Variants in ASIC2 observed in about 807,000 individuals in gnomAD.
ASIC2 encodes the protein acid sensing ion channel subunit 2.
ASIC2 carries 25 observed loss-of-function variants against 57.3 expected under a neutral mutation model. The observed-to-expected ratio is 0.44, with a 90% CI of 0.32 to 0.61. ASIC2 has a LOEUF of 0.61. Among genes scored for constraint, ASIC2 ranks in the 20% least tolerant of loss-of-function variants. The pLI is 0.06. For missense variants in ASIC2, 641 were observed against 738.1 expected (o/e 0.87, Z 1.52); for synonymous variants, 319 against 307.5 (o/e 1.04, Z -0.39).
chr17:33,416,746 T>A (rs1169126368), intron 1 of ASIC2, among the ~76,000 whole-genome samples: 1 of 152,136 alleles, frequency 6.6e-6, no homozygotes, highest in African/African-American at 2.4e-5. Flanking sequence ...AGGTTTGGAG[T>A]GGTTCAGGCT....
chr17:33,721,237 TC>T (rs1909379335), intron 1 of ASIC2, among the ~76,000 whole-genome samples: 1 of 152,180 alleles, frequency 6.6e-6, no homozygotes, highest in Admixed American at 6.5e-5. Flanking sequence ...TTTCCTGAAT[TC>T]ATTCATTCAT....
At chr17:33,745,660 G>GA (rs993215442) in intron 1 of ASIC2, among the ~76,000 whole-genome samples, 15 of 146,906 alleles carry the variant, frequency 1.0e-4, no homozygotes, top group East Asian at 2.0e-4. Flanking sequence ...GCAGAAAAAA[G>GA]AAAAAAAAAA....
intron 1 of ASIC2, among the ~76,000 whole-genome samples, chr17:33,315,514 T>C (rs1906609089): frequency 6.6e-6 from 1 of 152,176 alleles, no homozygotes; most frequent in Admixed American, 6.5e-5. Flanking sequence ...AAAGTACATA[T>C]CGTGATTGGG....
intron 1 of ASIC2, chr17:34,038,015 C>A (rs1907957313): frequency 6.2e-7 from 1 of 1,613,332 alleles, no homozygotes; most frequent in Non-Finnish European, 8.5e-7. Context: ...TGGTAAATAC[C>A]AATAAGTACC....
intron 1 of ASIC2, among the ~76,000 whole-genome samples, chr17:33,609,390 T>C (rs755993254): frequency 6.6e-6 from 1 of 152,182 alleles, no homozygotes; most frequent in Non-Finnish European, 1.5e-5. Flanking sequence ...CGAGTCACAG[T>C]CATTTGGGCC....
At chr17:33,596,806 A>G (rs1904992158) in intron 1 of ASIC2, among the ~76,000 whole-genome samples, 1 of 152,194 alleles carries the variant, frequency 6.6e-6, no homozygotes, top group African/African-American at 2.4e-5. Flanking sequence ...AAGCCTTTTC[A>G]TAGACACAGT....
chr17:33,998,868 T>A (rs919634955), intron 1 of ASIC2, among the ~76,000 whole-genome samples: 1 of 152,164 alleles, frequency 6.6e-6, no homozygotes, highest in African/African-American at 2.4e-5. Flanking sequence ...GTTCTGTATG[T>A]TTGTTAGGTC....
chr17:33,063,129 T>C (rs2092027852), intron 3 of ASIC2, among the ~76,000 whole-genome samples: 1 of 152,226 alleles, frequency 6.6e-6, no homozygotes, highest in African/African-American at 2.4e-5. Flanking sequence ...TGCCAGTCTG[T>C]GTCTTTTAAT....
intron 1 of ASIC2, among the ~76,000 whole-genome samples, chr17:33,668,362 T>C (rs925035471): frequency 2.0e-5 from 3 of 151,028 alleles, no homozygotes; most frequent in African/African-American, 4.9e-5. Flanking sequence ...TGCGTTCCTT[T>C]CTGGAAGCTC....
At chr17:33,092,643 A>C (rs1305287174) in intron 2 of ASIC2, among the ~76,000 whole-genome samples, 1 of 152,238 alleles carries the variant, frequency 6.6e-6, no homozygotes, top group Non-Finnish European at 1.5e-5. Flanking sequence ...TGACTTGCCC[A>C]AGGTCAGACA....
chr17:33,702,613 G>A (rs1043486765), intron 1 of ASIC2, among the ~76,000 whole-genome samples: 1 of 152,188 alleles, frequency 6.6e-6, no homozygotes, highest in Non-Finnish European at 1.5e-5. Context: ...TATGAGCAAG[G>A]TGACCTACAC....
At chr17:33,762,220 A>G (rs1466999182) in intron 1 of ASIC2, among the ~76,000 whole-genome samples, 1 of 152,102 alleles carries the variant, frequency 6.6e-6, no homozygotes, top group Non-Finnish European at 1.5e-5. Context: ...CCCCAGATTT[A>G]TGGAGGGGGG....
At chr17:33,773,901 A>AAG (rs1911190967) in intron 1 of ASIC2, among the ~76,000 whole-genome samples, 1 of 152,114 alleles carries the variant, frequency 6.6e-6, no homozygotes. Flanking sequence ...TCCTGGGCTC[A>AAG]AGCAATCCTC....
chr17:33,863,953 G>C (rs912578307), intron 1 of ASIC2, among the ~76,000 whole-genome samples: 1 of 150,520 alleles, frequency 6.6e-6, no homozygotes, highest in African/African-American at 2.4e-5. Context: ...GTGCAGGCTA[G>C]AGTGCAATGG....
intron 1 of ASIC2, among the ~76,000 whole-genome samples, chr17:33,722,700 C>T (rs934838402): frequency 9.9e-5 from 15 of 152,070 alleles, no homozygotes; most frequent in African/African-American, 3.6e-4. Flanking sequence ...GAGTTCAAGG[C>T]TGCAGTGAGC....
At chr17:33,162,662 G>C (rs1905194325) in intron 1 of ASIC2, among the ~76,000 whole-genome samples, 1 of 152,126 alleles carries the variant, frequency 6.6e-6, no homozygotes, top group Admixed American at 6.5e-5. Context: ...CTAGTTATTG[G>C]GTAAACTGTC....
At chr17:33,428,177 T>C (rs186944206) in intron 1 of ASIC2, among the ~76,000 whole-genome samples, 18 of 152,334 alleles carry the variant, frequency 1.2e-4, no homozygotes, top group Admixed American at 8.5e-4. Flanking sequence ...ACACATACGT[T>C]TTGTTTTAAG....
At chr17:33,911,675 A>G (rs1265871209) in intron 1 of ASIC2, among the ~76,000 whole-genome samples, 1 of 152,236 alleles carries the variant, frequency 6.6e-6, no homozygotes, top group African/African-American at 2.4e-5. Context: ...GGGATAGACC[A>G]CAGCAGACCC....
At chr17:33,038,854 T>G (rs1003112074) in intron 3 of ASIC2, among the ~76,000 whole-genome samples, 2 of 148,952 alleles carry the variant, frequency 1.3e-5, no homozygotes, top group Middle Eastern at 6.3e-3. Flanking sequence ...GGCACACCAG[T>G]AGGTGGCGCT....
Sources: allele counts gnomAD v4.1 joint callset (sites outside exome capture counted in the v4.1 genomes callset), GRCh38; gene constraint gnomAD v4.1.1; transcripts MANE v1.5; gene names NCBI Gene and HGNC (gene_info 2026-07-23, HGNC 2026-07-21).